Variants in PHACTR1 observed in about 807,000 individuals in gnomAD.
PHACTR1 encodes RPEL repeat containing 1.
PHACTR1 carries 16 observed loss-of-function variants against 69.2 expected under a neutral mutation model. The observed-to-expected ratio is 0.23, with a 90% CI of 0.16 to 0.35. The LOEUF (loss-of-function observed/expected upper bound fraction) is 0.35. PHACTR1 is among the 10% of genes least tolerant of loss of function. The pLI is 1.00. For missense variants in PHACTR1, 510 were observed against 734.7 expected, an observed-to-expected ratio of 0.69 and a Z score of 3.54; for synonymous variants, 312 against 284.5, an observed-to-expected ratio of 1.10 and a Z score of -0.97.
chr6:13,079,924 C>T (rs916617641), intron 5 of PHACTR1, among the ~76,000 whole-genome samples: 1 of 152,146 alleles, frequency 6.6e-6, no homozygotes, highest in Non-Finnish European at 1.5e-5. Context: ...TTTATAACAT[C>T]TAACCTTCCT....
intron 5 of PHACTR1, among the ~76,000 whole-genome samples, chr6:13,149,225 C>T (rs993767778): frequency 6.6e-6 from 1 of 152,114 alleles, no homozygotes; most frequent in Admixed American, 6.6e-5. Flanking sequence ...AGCACCAGCC[C>T]CATGGTACTC....
intron 4 of PHACTR1, among the ~76,000 whole-genome samples, chr6:12,863,130 G>C (rs941386056): frequency 3.3e-5 from 5 of 152,250 alleles, no homozygotes; most frequent in Non-Finnish European, 7.3e-5. Context: ...AGTATGTAGA[G>C]AAGTTATGAA....
chr6:13,175,009 G>A (rs776219924), intron 6 of PHACTR1, among the ~76,000 whole-genome samples: 6 of 152,172 alleles, frequency 3.9e-5, no homozygotes, highest in Non-Finnish European at 5.9e-5. Flanking sequence ...CTCCAGAAAT[G>A]TTTCTTTCTC....
intron 4 of PHACTR1, among the ~76,000 whole-genome samples, chr6:12,983,954 C>T (rs1422059178): frequency 6.6e-6 from 1 of 152,184 alleles, no homozygotes; most frequent in African/African-American, 2.4e-5. Context: ...CATTGATGGA[C>T]ATTTGAGTTG....
intron 10 of PHACTR1, among the ~76,000 whole-genome samples, chr6:13,256,029 C>T (rs1042652189): frequency 6.6e-6 from 1 of 152,270 alleles, no homozygotes; most frequent in Non-Finnish European, 1.5e-5. Flanking sequence ...TCTGCCCCTG[C>T]AGCAGGCTTC....
intron 10 of PHACTR1, among the ~76,000 whole-genome samples, chr6:13,257,469 T>C (rs1775342278): frequency 6.6e-6 from 1 of 152,220 alleles, no homozygotes; most frequent in Non-Finnish European, 1.5e-5. Context: ...CAGCACCTTA[T>C]CTGGAAAACG....
chr6:12,797,812 T>C (rs1409014948), intron 4 of PHACTR1, among the ~76,000 whole-genome samples: 1 of 152,146 alleles, frequency 6.6e-6, no homozygotes, highest in Admixed American at 6.5e-5. Context: ...GAACACTTCT[T>C]CCTTGGATGA....
At chr6:12,847,535 T>C (rs994849693) in intron 4 of PHACTR1, among the ~76,000 whole-genome samples, 1 of 152,184 alleles carries the variant, frequency 6.6e-6, no homozygotes, top group Non-Finnish European at 1.5e-5. Context: ...GTTATTAGTA[T>C]TGATTTTAGT....
At chr6:12,930,492 A>G (rs1788749829) in intron 4 of PHACTR1, among the ~76,000 whole-genome samples, 1 of 152,220 alleles carries the variant, frequency 6.6e-6, no homozygotes, top group Admixed American at 6.5e-5. Context: ...AATTGTGTAC[A>G]GCGTTGCCAG....
chr6:13,043,637 C>T (rs879352799), intron 4 of PHACTR1, among the ~76,000 whole-genome samples: 5 of 152,178 alleles, frequency 3.3e-5, no homozygotes, highest in Non-Finnish European at 4.4e-5. Flanking sequence ...TCAACAGACT[C>T]TATATGGTCC....
chr6:13,163,497 A>T (rs1204638344), intron 6 of PHACTR1, among the ~76,000 whole-genome samples: 2 of 152,246 alleles, frequency 1.3e-5, no homozygotes, highest in African/African-American at 4.8e-5. Flanking sequence ...TATAGTTTAG[A>T]TGCTCAAAAA....
At chr6:12,819,817 A>G (rs1242337072) in intron 4 of PHACTR1, among the ~76,000 whole-genome samples, 4 of 152,192 alleles carry the variant, frequency 2.6e-5, no homozygotes, top group Non-Finnish European at 5.9e-5. Context: ...TGCGAGCAGA[A>G]AGCCACTTCT....
At chr6:13,108,948 CT>C (rs1401321092) in intron 5 of PHACTR1, among the ~76,000 whole-genome samples, 1 of 151,834 alleles carries the variant, frequency 6.6e-6, no homozygotes, top group Non-Finnish European at 1.5e-5. Context: ...ATTTTATGTA[CT>C]CTATTTGCTT....
chr6:12,854,967 G>A (rs1780198746), intron 4 of PHACTR1, among the ~76,000 whole-genome samples: 1 of 152,188 alleles, frequency 6.6e-6, no homozygotes, highest in African/African-American at 2.4e-5. Context: ...CCTGTGGAAA[G>A]CAGTTTGCAG....
At chr6:13,243,666 G>T (rs576631799) in intron 10 of PHACTR1, among the ~76,000 whole-genome samples, 16 of 152,218 alleles carry the variant, frequency 1.1e-4, no homozygotes, top group African/African-American at 3.6e-4. Flanking sequence ...TGGGGGTTTG[G>T]TTTACAAATT....
intron 5 of PHACTR1, among the ~76,000 whole-genome samples, chr6:13,078,325 A>G (rs1288748005): frequency 1.3e-5 from 2 of 152,108 alleles, no homozygotes; most frequent in Non-Finnish European, 2.9e-5. Context: ...TCTGTCTCCA[A>G]ATTTCCCTTT....
chr6:13,265,625 T>G (rs1449910413), intron 10 of PHACTR1, among the ~76,000 whole-genome samples: 1 of 152,206 alleles, frequency 6.6e-6, no homozygotes, highest in Admixed American at 6.5e-5. Context: ...ACCGAGTCTA[T>G]TGGAACATCC....
chr6:13,279,619 C>T, intron 12 of PHACTR1: 1 of 152,340 alleles, frequency 6.6e-6, no homozygotes. Flanking sequence ...CAAATGCCAA[C>T]CCAATTAGCA....
At chr6:12,821,903 A>G (rs905926898) in intron 4 of PHACTR1, among the ~76,000 whole-genome samples, 6 of 152,208 alleles carry the variant, frequency 3.9e-5, no homozygotes, top group African/African-American at 1.2e-4. Context: ...CACAGGCTTG[A>G]CTGCGTCTTT....
Sources: gnomAD v4.1 joint callset for allele counts (sites outside exome capture counted in the v4.1 genomes callset) on GRCh38, gnomAD v4.1.1 for gene constraint, MANE v1.5 for transcripts, NCBI Gene and HGNC (gene_info 2026-07-23, HGNC 2026-07-21) for gene names.